Variants in PTER observed in about 807,000 individuals in gnomAD.
PTER encodes the protein phosphotriesterase related.
Under a neutral mutation model 29.6 loss-of-function variants are expected in PTER, and 38 were observed. The ratio of observed to expected loss-of-function variants is 1.28; its 90% CI spans 0.99 to 1.68. The LOEUF (loss-of-function observed/expected upper bound fraction) is 1.68. PTER is among the 40% of genes most tolerant of loss of function. The pLI, the probability that PTER is intolerant of heterozygous loss-of-function variation, is 0.00. For synonymous variants in PTER, 172 were observed against 154.5 expected, an observed-to-expected ratio of 1.11 and a Z score of -0.84; for missense variants, 482 against 427.8, an observed-to-expected ratio of 1.13 and a Z score of -1.12.
rs1355622198 is a variant in PTER, at chr10:16,512,955, G to T, written c.*1699G>T. The stretch of plus-strand genomic sequence containing the variant: ...TGTTCTAACCAGAAAGAAAGGATTT[G>T]TATTACTCTCCAAATCTACTGTACT... On this transcript the variant is annotated 3_prime_UTR_variant, in exon 5 of 5. Coordinates refer to ENST00000535784, the MANE Select transcript of PTER (RefSeq NM_001261836.2). The T allele has an allele frequency of 6.6e-6, 1 of 152,386 alleles. No individual in the cohort carries two copies. The highest frequency in any genetic ancestry group is 1.5e-5 in the Non-Finnish European group (1 of 67,948). 9.4% of individuals were successfully genotyped at this position (152,386 alleles called of 1,614,324 possible).
intron 1 of PTER, among the ~76,000 whole-genome samples, chr10:16,477,579 G>C (rs989465126): frequency 6.6e-6 from 1 of 152,094 alleles, no homozygotes; most frequent in Non-Finnish European, 1.5e-5. Context: ...AGGAATCACT[G>C]ATGCATGGAT....
chr10:16,444,783 A>G (rs1271504330), intron 1 of PTER, among the ~76,000 whole-genome samples: 1 of 152,200 alleles, frequency 6.6e-6, no homozygotes, highest in Admixed American at 6.5e-5. Context: ...TATAATGCAT[A>G]CTATCTTTGC....
At chr10:16,508,235 A>T (rs7072077) in intron 4 of PTER, among the ~76,000 whole-genome samples, 4,499 of 151,368 alleles carry the variant, frequency 0.03, 195 homozygotes, top group African/African-American at 0.1. Context: ...CGCCCGGCTA[A>T]TTTTTTGTAT....
At chr10:16,465,254 T>C (rs1191706917) in intron 1 of PTER, among the ~76,000 whole-genome samples, 1 of 92,040 alleles carries the variant, frequency 1.1e-5, no homozygotes, top group African/African-American at 5.6e-5. Context: ...ACCATATATG[T>C]GCTAAGGTAG....
intron 1 of PTER, among the ~76,000 whole-genome samples, chr10:16,462,932 G>A (rs1188416048): frequency 6.6e-6 from 1 of 150,764 alleles, no homozygotes; most frequent in East Asian, 2.1e-4. Flanking sequence ...GGTGAGTCAC[G>A]CCTGTAACCC....
chr10:16,500,475 C>T (rs1836292547), intron 3 of PTER, among the ~76,000 whole-genome samples: 1 of 152,136 alleles, frequency 6.6e-6, no homozygotes, highest in East Asian at 1.9e-4. Context: ...TAGTCTCAAA[C>T]TCCTGAGCTC....
intron 1 of PTER, among the ~76,000 whole-genome samples, chr10:16,452,570 G>A (rs1834252169): frequency 6.6e-6 from 1 of 151,984 alleles, no homozygotes. Context: ...CCAAAGTGCT[G>A]AGATTTACAG....
chr10:16,461,987 A>ATT (rs1329900704), intron 1 of PTER, among the ~76,000 whole-genome samples: 6 of 137,770 alleles, frequency 4.4e-5, no homozygotes, highest in Admixed American at 7.3e-5. Flanking sequence ...ATTTCCTAGG[A>ATT]TTTTTTTTTT....
chr10:16,443,817 G>C (rs1160784042), intron 1 of PTER, among the ~76,000 whole-genome samples: 1 of 152,076 alleles, frequency 6.6e-6, no homozygotes, highest in East Asian at 1.9e-4. Context: ...ATGTACTTAC[G>C]TGTACCATCA....
rs555929069 is a variant in PTER, at chr10:16,486,580, G to T, written c.661G>T (p.Ala221Ser). The T allele has an allele frequency of 1.2e-6, 2 of 1,613,898 alleles. No homozygotes were observed. The highest frequency in any genetic ancestry group is 1.7e-6 in the Non-Finnish European group (2 of 1,179,876). Residue 221 changes from alanine to serine, a missense_variant, in exon 3 of 5, where the codon GCA (alanine) becomes TCA (serine). Transcript: ENST00000535784. The stretch of plus-strand genomic sequence containing the variant: ...TATCCGAATATTGCAAGAAGCAGGC[G>T]CAGACATCTCCAAAACAGTCATGTC... Reference protein sequence around the residue: ...QIIRILQEAGADISKTVMSHL... With the variant: ...QIIRILQEAGSDISKTVMSHL...
At chr10:16,439,991 T>A (rs1469981341) in intron 1 of PTER, among the ~76,000 whole-genome samples, 2 of 152,146 alleles carry the variant, frequency 1.3e-5, no homozygotes, top group Non-Finnish European at 2.9e-5. Context: ...TTTTCATACA[T>A]CAAATGTGGC....
intron 1 of PTER, among the ~76,000 whole-genome samples, chr10:16,449,636 A>T (rs1834135801): frequency 6.6e-6 from 1 of 151,524 alleles, no homozygotes; most frequent in Non-Finnish European, 1.5e-5. Context: ...CTGCATTTAA[A>T]TTTTGTAGTT....
At chr10:16,509,293 C>CATGAG (rs45604635) in intron 4 of PTER, among the ~76,000 whole-genome samples, 18,219 of 152,048 alleles carry the variant, frequency 0.12, 1,170 homozygotes, top group East Asian at 0.19. Flanking sequence ...TTATCTTTCT[C>CATGAG]ATAAGTAGTC....
intron 3 of PTER, among the ~76,000 whole-genome samples, chr10:16,491,283 A>G (rs1835889013): frequency 6.6e-6 from 1 of 152,220 alleles, no homozygotes; most frequent in African/African-American, 2.4e-5. Flanking sequence ...TGGCTTTAGA[A>G]AAAGCAGTGC....
intron 3 of PTER, among the ~76,000 whole-genome samples, chr10:16,496,349 C>G (rs1836097224): frequency 6.6e-6 from 1 of 152,188 alleles, no homozygotes; most frequent in South Asian, 2.1e-4. Context: ...TCTTCTGGTT[C>G]CCTCGCCTCC....
At chr10:16,518,078 T>C (rs538289246), downstream of PTER, among the ~76,000 whole-genome samples, 14 of 152,328 alleles carry the variant, frequency 9.2e-5, no homozygotes, top group Non-Finnish European at 7.3e-5. Flanking sequence ...TGAGTTTCTG[T>C]TTTATGAAAA....
intron 1 of PTER, among the ~76,000 whole-genome samples, chr10:16,452,194 T>TACACACACACAGACAC (rs1554786757): frequency 1.4e-5 from 2 of 146,254 alleles, no homozygotes; most frequent in Non-Finnish European, 3.0e-5. Flanking sequence ...ACCAGTGGGA[T>TACACACACACAGACAC]ACACACACAC....
At chr10:16,508,070 C>CTTTTTTTTT (rs56800279) in intron 4 of PTER, among the ~76,000 whole-genome samples, 1 of 127,878 alleles carries the variant, frequency 7.8e-6, no homozygotes, top group African/African-American at 3.1e-5. Flanking sequence ...TTTTCTTTTT[C>CTTTTTTTTT]TTTTTTTTTT....
chr10:16,499,196 T>C (rs1327770277), intron 3 of PTER, among the ~76,000 whole-genome samples: 2 of 152,166 alleles, frequency 1.3e-5, no homozygotes. Flanking sequence ...AAGGATTAAA[T>C]GAGCTGGGGC....
Sources: allele counts gnomAD v4.1 joint callset (sites outside exome capture counted in the v4.1 genomes callset), GRCh38; gene constraint gnomAD v4.1.1; transcripts MANE v1.5; gene names NCBI Gene and HGNC (gene_info 2026-07-23, HGNC 2026-07-21).